The following TTC6 variants were observed in gnomAD, a reference collection of about 807,000 sequenced individuals.
The protein encoded by TTC6 is tetratricopeptide repeat protein 6.
In TTC6, 172 loss-of-function variants were observed where a neutral mutation model predicts 210.4. The ratio of observed to expected loss-of-function variants is 0.82; its 90% CI spans 0.72 to 0.93. TTC6 has a LOEUF of 0.93. Ranked by LOEUF, TTC6 falls within the 40% of genes least tolerant of loss-of-function variation. The pLI, the probability that TTC6 is intolerant of heterozygous loss-of-function variation, is 0.00. For missense variants in TTC6, 2,414 were observed against 2,318.1 expected (o/e 1.04, Z -0.85); for synonymous variants, 804 against 819.6 (o/e 0.98, Z 0.32).
At chr14:37,617,722 T>C (rs987517266), upstream of TTC6, among the ~76,000 whole-genome samples, 1 of 152,190 alleles carries the variant, frequency 6.6e-6, no homozygotes, top group African/African-American at 2.4e-5. Flanking sequence ...TCAGAATATT[T>C]TTGTTTTCCT....
At chr14:37,821,863 C>T (rs1312935203) in intron 26 of TTC6, among the ~76,000 whole-genome samples, 1 of 149,108 alleles carries the variant, frequency 6.7e-6, no homozygotes, top group African/African-American at 2.5e-5. Flanking sequence ...TCACTGCAAC[C>T]TCCGCCTTCC....
intron 10 of TTC6, among the ~76,000 whole-genome samples, chr14:37,746,689 G>T (rs2095937101): frequency 6.6e-6 from 1 of 152,174 alleles, no homozygotes; most frequent in Non-Finnish European, 1.5e-5. Context: ...TGTAATGGCT[G>T]TGGCTCCATG....
intron 1 of TTC6, among the ~76,000 whole-genome samples, chr14:37,660,404 C>G (rs999008433): frequency 1.3e-5 from 2 of 152,070 alleles, no homozygotes. Flanking sequence ...TGGACAGGCC[C>G]CAGTGTGTGT....
At chr14:37,725,281 AATTT>A (rs2095869415) in intron 7 of TTC6, among the ~76,000 whole-genome samples, 1 of 128,056 alleles carries the variant, frequency 7.8e-6, no homozygotes. Context: ...ATATATATAA[AATTT>A]ATATATGTAT....
chr14:37,616,853 G>A (rs530991861), intron 2 of TTC6, among the ~76,000 whole-genome samples: 5 of 151,456 alleles, frequency 3.3e-5, no homozygotes, highest in Non-Finnish European at 5.9e-5. Context: ...ACATACACAC[G>A]CATCATTTTA....
chr14:37,801,150 G>T (rs1595286227), intron 20 of TTC6, among the ~76,000 whole-genome samples: 1 of 152,188 alleles, frequency 6.6e-6, no homozygotes, highest in African/African-American at 2.4e-5. Context: ...CCCATTGTAT[G>T]TTGGGTGTTT....
chr14:37,777,322 TCTGA>T (rs935304224), intron 14 of TTC6, among the ~76,000 whole-genome samples: 1 of 150,534 alleles, frequency 6.6e-6, no homozygotes, highest in Non-Finnish European at 1.5e-5. Flanking sequence ...TTTATTTTTG[TCTGA>T]CTGAGTTATT....
chr14:37,841,823 AG>A, intron 30 of TTC6, 153 bp downstream of exon 32: 1 of 690,088 alleles, frequency 1.4e-6, no homozygotes, highest in Non-Finnish European at 2.3e-6. Context: ...TAATCGATAT[AG>A]GTTCCTTTAT....
intron 1 of TTC6, among the ~76,000 whole-genome samples, chr14:37,624,571 TA>T (rs1242284147): frequency 3.3e-5 from 5 of 152,184 alleles, no homozygotes; most frequent in Admixed American, 2.0e-4. Context: ...ATTAAATGAA[TA>T]ATGAACATTG....
At chr14:37,613,418 G>A (rs945270888) in intron 2 of TTC6, among the ~76,000 whole-genome samples, 5 of 151,970 alleles carry the variant, frequency 3.3e-5, no homozygotes, top group Non-Finnish European at 1.5e-5. Context: ...ATTTTTGCAT[G>A]TATGCGCATA....
At chr14:37,693,233 G>A (rs1474625264) in intron 3 of TTC6, among the ~76,000 whole-genome samples, 1 of 152,126 alleles carries the variant, frequency 6.6e-6, no homozygotes, top group Non-Finnish European at 1.5e-5. Context: ...AAAATCAGTA[G>A]CATTTCTATG....
chr14:37,770,068 G>A (rs1323268790), intron 14 of TTC6, among the ~76,000 whole-genome samples: 1 of 152,142 alleles, frequency 6.6e-6, no homozygotes, highest in East Asian at 1.9e-4. Flanking sequence ...GTACCCAGTA[G>A]TCGTTCAGGA....
At chr14:37,656,664 T>A (rs762284903) in intron 1 of TTC6, among the ~76,000 whole-genome samples, 2 of 151,910 alleles carry the variant, frequency 1.3e-5, no homozygotes, top group Admixed American at 6.6e-5. Context: ...GAGGCTCCAG[T>A]GGGGATTCCA....
At chr14:37,778,791 C>A (rs2096046032) in intron 14 of TTC6, among the ~76,000 whole-genome samples, 1 of 152,104 alleles carries the variant, frequency 6.6e-6, no homozygotes, top group Non-Finnish European at 1.5e-5. Flanking sequence ...GCAGGTGTGG[C>A]CACCCTGGGG....
intron 1 of TTC6, among the ~76,000 whole-genome samples, chr14:37,670,652 G>A (rs2095756538): frequency 6.6e-6 from 1 of 151,650 alleles, no homozygotes; most frequent in African/African-American, 2.4e-5. Flanking sequence ...TGTATTTTTA[G>A]TAGAGATGGG....
chr14:37,622,102 A>G (rs912736815), exon 1 of TTC6: 2 of 1,534,426 alleles, frequency 1.3e-6, no homozygotes, highest in African/African-American at 2.7e-5. Flanking sequence ...CTGAAATACA[A>G]AGAGGAATCG....
At chr14:37,826,168 C>T in intron 27 of TTC6, 27 bp from the exon 30 acceptor site, 1 of 1,575,202 alleles carries the variant, frequency 6.3e-7, no homozygotes, top group South Asian at 1.2e-5. Context: ...GTATTTCCTA[C>T]TTCGTGTAAT....
At chr14:37,827,121 G>A in intron 28 of TTC6, 75 bp from the exon 31 acceptor site, 1 of 1,227,326 alleles carries the variant, frequency 8.1e-7, no homozygotes, top group Non-Finnish European at 1.1e-6. Context: ...ATTCCCTAAT[G>A]TTCATTTTGG....
At chr14:37,778,087 C>G (rs925837856) in intron 14 of TTC6, among the ~76,000 whole-genome samples, 2 of 152,142 alleles carry the variant, frequency 1.3e-5, no homozygotes, top group African/African-American at 4.8e-5. Flanking sequence ...GATCTGTGCT[C>G]CCTTTGCACA....
Sources: allele counts gnomAD v4.1 joint callset (sites outside exome capture counted in the v4.1 genomes callset), GRCh38; gene constraint gnomAD v4.1.1; transcripts MANE v1.5; gene names NCBI Gene and HGNC (gene_info 2026-07-23, HGNC 2026-07-21).